Variants in PHACTR3 observed in about 807,000 individuals in gnomAD.
The protein encoded by PHACTR3 is protein phosphatase 1, regulatory subunit 123.
PHACTR3 carries 16 observed loss-of-function variants against 66.8 expected under a neutral mutation model. That is an observed-to-expected ratio of 0.24 (90% CI 0.16 to 0.36). PHACTR3 has a LOEUF of 0.36. Among genes scored for constraint, PHACTR3 ranks in the 10% least tolerant of loss-of-function variants. PHACTR3 has a pLI of 1.00. For missense variants in PHACTR3, 647 were observed against 719.9 expected (o/e 0.90, Z 1.16); for synonymous variants, 323 against 292.1 (o/e 1.11, Z -1.08).
At chr20:59,635,149 T>TTC (rs1555881160) in intron 1 of PHACTR3, among the ~76,000 whole-genome samples, 7,669 of 58,212 alleles carry the variant, frequency 0.13, 504 homozygotes, top group East Asian at 0.25. Context: ...CTTTCTTTCT[T>TTC]TTTCTTTCTT....
rs1024691117 is a variant in PHACTR3, at chr20:59,664,974, T to C, written c.118+59842T>C. ...CCTCTCGCTGGAATTAGGCACTTGCTCTTGTCTCCTTCCCTAATAGTATAC... is the reference window on the plus strand; with the variant it reads ...CCTCTCGCTGGAATTAGGCACTTGCCCTTGTCTCCTTCCCTAATAGTATAC... On this transcript the variant is annotated intron_variant, in intron 1 of 12. Coordinates refer to ENST00000371015, the MANE Select transcript of PHACTR3 (RefSeq NM_080672.5). 2.0e-5 allele frequency among the ~76,000 whole-genome samples: 3 copies of C among 152,352 alleles called. No homozygotes were observed. The South Asian group carries it at 6.2e-4, about 32-fold the overall frequency.
At chr20:59,824,688 G>A (rs2042134879) in intron 8 of PHACTR3, among the ~76,000 whole-genome samples, 1 of 152,200 alleles carries the variant, frequency 6.6e-6, no homozygotes, top group Admixed American at 6.5e-5. Flanking sequence ...TCTTGGAACT[G>A]GAACTGGCAG....
chr20:59,781,078 T>C (rs1262715749), intron 7 of PHACTR3, among the ~76,000 whole-genome samples: 3 of 152,242 alleles, frequency 2.0e-5, no homozygotes, highest in East Asian at 3.8e-4. Flanking sequence ...CAATGTTCCG[T>C]AGCTGATTTG....
intron 1 of PHACTR3, among the ~76,000 whole-genome samples, chr20:59,596,028 A>T (rs1419580325): frequency 2.6e-5 from 4 of 152,170 alleles, no homozygotes; most frequent in African/African-American, 9.7e-5. Context: ...GCAGAATATA[A>T]CCTGGATCCC....
intron 1 of PHACTR3, among the ~76,000 whole-genome samples, chr20:59,618,053 G>A (rs1568937148): frequency 1.3e-5 from 2 of 152,210 alleles, no homozygotes; most frequent in Non-Finnish European, 2.9e-5. Context: ...CTGAGGGAAG[G>A]GTCCAGGGGA....
intron 1 of PHACTR3, among the ~76,000 whole-genome samples, chr20:59,681,957 C>G (rs2036668535): frequency 6.6e-6 from 1 of 150,550 alleles, no homozygotes; most frequent in South Asian, 2.1e-4. Context: ...TTGCGGTGAG[C>G]AGAGATCGTG....
chr20:59,729,701 C>T (rs966543653), intron 1 of PHACTR3, among the ~76,000 whole-genome samples: 5 of 152,182 alleles, frequency 3.3e-5, no homozygotes, highest in Non-Finnish European at 7.4e-5. Context: ...GCCCGCACTG[C>T]ATGACTTGCT....
rs373312571 is a variant in PHACTR3, at chr20:59,846,377, G to C, written c.1665-738G>C. Among the ~76,000 whole-genome samples, 15 of 152,240 alleles carry C rather than the reference G, an allele frequency of 9.9e-5. No homozygotes were observed. In the East Asian group the frequency reaches 1.7e-3, roughly 18 times the overall value. On this transcript the variant is annotated intron_variant, in intron 12 of 12. Coordinates refer to ENST00000371015, the MANE Select transcript of PHACTR3 (RefSeq NM_080672.5). ...GATGAATAGGAAAAAATTATGCAAA[G>C]AGTTTGTTTTTTAAGGTTCCCTCCC...
At chr20:59,670,946 C>T (rs2036175308) in intron 1 of PHACTR3, among the ~76,000 whole-genome samples, 1 of 152,194 alleles carries the variant, frequency 6.6e-6, no homozygotes, top group African/African-American at 2.4e-5. Flanking sequence ...GTACTTTCTG[C>T]TCCCAGACCA....
At chr20:59,668,638 C>T (rs1046428040) in intron 1 of PHACTR3, among the ~76,000 whole-genome samples, 1 of 152,222 alleles carries the variant, frequency 6.6e-6, no homozygotes, top group Non-Finnish European at 1.5e-5. Context: ...TTAGGCAGTT[C>T]AGGAAATGAC....
chr20:59,605,746 C>T (rs2033640442), intron 1 of PHACTR3, among the ~76,000 whole-genome samples: 1 of 152,144 alleles, frequency 6.6e-6, no homozygotes. Context: ...ACTCTTCCAC[C>T]CCCATGGCAG....
chr20:59,593,079 C>A (rs551273359), intron 1 of PHACTR3, among the ~76,000 whole-genome samples: 76 of 152,318 alleles, frequency 5.0e-4, no homozygotes, highest in African/African-American at 1.8e-3. Flanking sequence ...ACAAAGCTGT[C>A]TTCCAAAGTA....
intron 7 of PHACTR3, among the ~76,000 whole-genome samples, chr20:59,794,848 A>G (rs1181143825): frequency 6.6e-6 from 1 of 152,158 alleles, no homozygotes. Context: ...GTAATTGTTC[A>G]TAATAGTGTC....
intron 1 of PHACTR3, among the ~76,000 whole-genome samples, chr20:59,658,314 GCTT>G (rs1193979509): frequency 6.6e-6 from 1 of 151,708 alleles, no homozygotes; most frequent in Non-Finnish European, 1.5e-5. Context: ...TTCATAGGCA[GCTT>G]CTTTTGAATG....
At chr20:59,778,592 G>A (rs996459690) in intron 7 of PHACTR3, among the ~76,000 whole-genome samples, 2 of 152,210 alleles carry the variant, frequency 1.3e-5, no homozygotes, top group Non-Finnish European at 2.9e-5. Flanking sequence ...CTTTGCCCAT[G>A]CAGCCTCTCT....
intron 9 of PHACTR3, among the ~76,000 whole-genome samples, chr20:59,839,256 T>G (rs2059016639): frequency 6.6e-6 from 1 of 152,174 alleles, no homozygotes; most frequent in Admixed American, 6.5e-5. Flanking sequence ...CTCACTTGTA[T>G]AAAGAATTAA....
intron 1 of PHACTR3, among the ~76,000 whole-genome samples, chr20:59,703,884 A>G (rs890698078): frequency 6.6e-6 from 1 of 152,134 alleles, no homozygotes; most frequent in African/African-American, 2.4e-5. Flanking sequence ...ATAGTTCTCT[A>G]TATTTGATTT....
At chr20:59,683,191 C>A (rs999110611) in intron 1 of PHACTR3, among the ~76,000 whole-genome samples, 1 of 152,110 alleles carries the variant, frequency 6.6e-6, no homozygotes, top group Non-Finnish European at 1.5e-5. Context: ...AAGGATAGAG[C>A]GTTGGTCCTG....
At chr20:59,651,016 GC>G (rs534214901) in intron 1 of PHACTR3, among the ~76,000 whole-genome samples, 19 of 152,112 alleles carry the variant, frequency 1.2e-4, no homozygotes, top group Middle Eastern at 3.4e-3. Flanking sequence ...GTTAATTCTG[GC>G]TGTTGAATGC....
Sources: allele counts gnomAD v4.1 joint callset (sites outside exome capture counted in the v4.1 genomes callset), GRCh38; gene constraint gnomAD v4.1.1; transcripts MANE v1.5; gene names NCBI Gene and HGNC (gene_info 2026-07-23, HGNC 2026-07-21).